The following SEMA3A variants were observed in gnomAD, a reference collection of about 807,000 sequenced individuals.
The protein encoded by SEMA3A is semaphorin-3A.
SEMA3A carries 29 observed loss-of-function variants against 97.9 expected under a neutral mutation model. That is an observed-to-expected ratio of 0.30 (90% confidence interval 0.22 to 0.40). SEMA3A has a LOEUF of 0.40. SEMA3A is among the 10% of genes least tolerant of loss of function. SEMA3A has a pLI of 1.00. For missense variants in SEMA3A, 763 were observed against 951.3 expected (o/e 0.80, Z 2.60); for synonymous variants, 321 against 323.7 (o/e 0.99, Z 0.09).
At chr7:84,413,582 C>A (rs990796600) in intron 1 of SEMA3A, among the ~76,000 whole-genome samples, 2 of 152,096 alleles carry the variant, frequency 1.3e-5, no homozygotes, top group Admixed American at 6.6e-5. Flanking sequence ...GAGCTGTGAT[C>A]ATGCCATTGC....
chr7:84,206,065 C>G (rs1020985999), intron 3 of SEMA3A, among the ~76,000 whole-genome samples: 3 of 152,074 alleles, frequency 2.0e-5, no homozygotes. Flanking sequence ...TGTGGCACTT[C>G]AGCTATCTAA....
chr7:84,413,633 G>T (rs1216995049), intron 1 of SEMA3A, among the ~76,000 whole-genome samples: 1 of 151,800 alleles, frequency 6.6e-6, no homozygotes, highest in Non-Finnish European at 1.5e-5. Flanking sequence ...GAGACCCTGT[G>T]TCCAAAACAA....
intron 4 of SEMA3A, among the ~76,000 whole-genome samples, chr7:84,087,735 ATTG>A (rs1209562232): frequency 5.9e-5 from 9 of 152,268 alleles, no homozygotes; most frequent in Non-Finnish European, 8.8e-5. Flanking sequence ...TTATATTGGC[ATTG>A]TTGTTACTAC....
chr7:84,405,314 G>A (rs1804047707), intron 1 of SEMA3A, among the ~76,000 whole-genome samples: 1 of 152,152 alleles, frequency 6.6e-6, no homozygotes, highest in African/African-American at 2.4e-5. Context: ...TTACATAATG[G>A]TCAAGGGATC....
intron 15 of SEMA3A, among the ~76,000 whole-genome samples, chr7:83,972,100 AATAT>A (rs1418947628): frequency 6.6e-6 from 1 of 151,946 alleles, no homozygotes; most frequent in Non-Finnish European, 1.5e-5. Flanking sequence ...TATAGGTATG[AATAT>A]ATATACAAAT....
At chr7:84,097,379 C>A (rs1794807174) in intron 4 of SEMA3A, among the ~76,000 whole-genome samples, 1 of 152,000 alleles carries the variant, frequency 6.6e-6, no homozygotes, top group African/African-American at 2.4e-5. Flanking sequence ...AGTGTACATG[C>A]ATAGTGAATA....
chr7:84,261,164 T>G (rs534454361), intron 3 of SEMA3A, among the ~76,000 whole-genome samples: 1 of 152,176 alleles, frequency 6.6e-6, no homozygotes, highest in Non-Finnish European at 1.5e-5. Context: ...TTCTTTCTGA[T>G]GAGAGCTGGA....
At chr7:84,031,113 C>T (rs1791734480) in intron 6 of SEMA3A, among the ~76,000 whole-genome samples, 1 of 151,304 alleles carries the variant, frequency 6.6e-6, no homozygotes, top group South Asian at 2.1e-4. Context: ...ATGCCTGAGC[C>T]TCCTGAGTAG....
intron 1 of SEMA3A, among the ~76,000 whole-genome samples, chr7:84,434,149 A>G (rs1370063429): frequency 1.3e-5 from 2 of 151,922 alleles, no homozygotes; most frequent in Non-Finnish European, 2.9e-5. Context: ...TGTGGATTTG[A>G]TTTACATTTC....
chr7:84,350,859 G>A (rs1056931699), intron 2 of SEMA3A, among the ~76,000 whole-genome samples: 58 of 151,908 alleles, frequency 3.8e-4, no homozygotes, highest in Admixed American at 3.6e-3. Context: ...TCATGTAACC[G>A]TTGAAACATA....
chr7:84,394,633 A>C (rs373345834), intron 1 of SEMA3A, among the ~76,000 whole-genome samples: 2 of 152,126 alleles, frequency 1.3e-5, no homozygotes, highest in East Asian at 3.9e-4. Flanking sequence ...ACAACAAATA[A>C]ATGTTTTAAA....
intron 12 of SEMA3A, among the ~76,000 whole-genome samples, chr7:83,993,094 T>A (rs1198083658): frequency 7.0e-6 from 1 of 143,014 alleles, no homozygotes; most frequent in Non-Finnish European, 1.5e-5. Flanking sequence ...TCTCTTTTGA[T>A]CTTTGTTGGT....
chr7:84,464,743 C>T (rs765748860), intron 1 of SEMA3A, among the ~76,000 whole-genome samples: 6 of 151,882 alleles, frequency 4.0e-5, no homozygotes, highest in Admixed American at 6.6e-5. Flanking sequence ...ATATCAAAGA[C>T]GGGGAAAGTT....
intron 15 of SEMA3A, among the ~76,000 whole-genome samples, chr7:83,968,772 CT>C (rs1333086512): frequency 5.1e-5 from 7 of 136,460 alleles, no homozygotes; most frequent in East Asian, 4.3e-4. Flanking sequence ...TTTTATAACC[CT>C]TTTTTTTCTT....
chr7:84,327,536 T>A (rs1429145449), intron 2 of SEMA3A, among the ~76,000 whole-genome samples: 1 of 151,966 alleles, frequency 6.6e-6, no homozygotes, highest in African/African-American at 2.4e-5. Context: ...GCATGTGTAA[T>A]TTCTAACAGA....
chr7:84,437,936 T>C (rs1805179506), intron 1 of SEMA3A, among the ~76,000 whole-genome samples: 1 of 152,036 alleles, frequency 6.6e-6, no homozygotes, highest in African/African-American at 2.4e-5. Flanking sequence ...GCTGATTTTT[T>C]AAAAAACCTA....
At chr7:84,359,202 T>A (rs1802649112) in intron 2 of SEMA3A, among the ~76,000 whole-genome samples, 1 of 152,174 alleles carries the variant, frequency 6.6e-6, no homozygotes, top group South Asian at 2.1e-4. Context: ...AGAGAGGGCA[T>A]CCCTGTCTTG....
rs1330227798 is a variant in SEMA3A, at chr7:83,989,780, G to A, written c.1453-4303C>T. On this transcript the variant is annotated intron_variant, in intron 12 of 16. Coordinates refer to ENST00000265362, the MANE Select transcript of SEMA3A (RefSeq NM_006080.3). ...GTGAATACTGCCGCAATAAACATACGTGTGCATGTGTCTTTATAGCAGCAT... is the reference window on the plus strand; with the variant it reads ...GTGAATACTGCCGCAATAAACATACATGTGCATGTGTCTTTATAGCAGCAT... Among the ~76,000 whole-genome samples the A allele has an allele frequency of 1.1e-4, 16 of 148,866 alleles. No homozygotes were observed. In the East Asian group the frequency reaches 1.2e-3, roughly 11 times the overall value.
In SEMA3A at chr7:83,956,389, A is replaced by G. The variant is rs557118272; in HGVS notation, c.*4982T>C. ...GTCTGATGAAGTTAGCTTCCTCTAA[A>G]TATTTATTTGTAGAATTCAGAGTTT... On this transcript the variant is annotated 3_prime_UTR_variant, in exon 17 of 17. Coordinates refer to ENST00000265362, the MANE Select transcript of SEMA3A (RefSeq NM_006080.3). 74 of 152,248 alleles carry G rather than the reference A, an allele frequency of 4.9e-4. No homozygotes were observed. The highest frequency in any genetic ancestry group is 6.8e-3 in the Middle Eastern group (2 of 294). The allele number at this position is 152,248 out of a possible 1,614,324, so 9.4% of individuals were successfully genotyped here. A position where few individuals can be genotyped will look rare whatever the true frequency, so the allele number is the denominator to read the frequency against.
Sources: allele counts gnomAD v4.1 joint callset (sites outside exome capture counted in the v4.1 genomes callset), GRCh38; gene constraint gnomAD v4.1.1; transcripts MANE v1.5; gene names NCBI Gene and HGNC (gene_info 2026-07-23, HGNC 2026-07-21).